The following TRMT44 variants were observed in gnomAD, a reference collection of about 807,000 sequenced individuals.
TRMT44 encodes probable tRNA (uracil-O(2)-)-methyltransferase.
A neutral mutation model predicts 77.3 loss-of-function variants in TRMT44; 78 were observed. The ratio of observed to expected loss-of-function variants is 1.01; its 90% confidence interval spans 0.84 to 1.22. The LOEUF (loss-of-function observed/expected upper bound fraction) is 1.22. Among genes scored for constraint, TRMT44 ranks in the 50% most tolerant of loss-of-function variants. TRMT44 has a pLI of 0.00. For synonymous variants in TRMT44, 391 were observed against 383.3 expected (o/e 1.02, Z -0.23); for missense variants, 1,090 against 964.4 (o/e 1.13, Z -1.73).
Position 8,455,862 on chromosome 4 carries a change from A to G in TRMT44, c.1203+1049A>G, listed in dbSNP as rs186382667. ...AGATTTTTTTCAATAAATACATTGG[A>G]AAATTTTATTGGAAATTTGCAACAA... On this transcript the variant is annotated intron_variant, in intron 6 of 10. Coordinates refer to ENST00000389737, the MANE Select transcript of TRMT44 (RefSeq NM_152544.3). Among the ~76,000 whole-genome samples, 200 of 152,364 alleles carry G rather than the reference A, an allele frequency of 1.3e-3. No homozygotes were observed. In the South Asian group the frequency reaches 0.014, roughly 11 times the overall value.
chr4:8,511,143 G>A, the TRMT44 span: 1 of 152,362 alleles, frequency 6.6e-6, no homozygotes, highest in African/African-American at 2.4e-5. Flanking sequence ...GGCAGCGTGG[G>A]GGAAGTGTCT....
In TRMT44 at chr4:8,440,861, C is replaced by T; in HGVS notation, c.39C>T (p.Gly13=). The change falls in exon 1 of 11, where the codon GGC becomes GGT. Residue 13 remains glycine (G), a synonymous_variant. Coordinates refer to ENST00000389737, the MANE Select transcript of TRMT44 (RefSeq NM_152544.3). ...EVGRTGISYP[G]ALLPQGFWAA... Reference sequence around the variant, plus strand: ...GCCGTACCGGGATCAGCTACCCAGGCGCGCTTCTCCCACAGGGCTTCTGGG... The same window carrying T: ...GCCGTACCGGGATCAGCTACCCAGGTGCGCTTCTCCCACAGGGCTTCTGGG... 1 of 1,518,160 alleles carries T rather than the reference C, an allele frequency of 6.6e-7. No homozygotes were observed. Among genetic ancestry groups the T allele is most frequent in the Middle Eastern group, 2.3e-4 (1 of 4,310 alleles). 94.0% of individuals were successfully genotyped at this position (1,518,160 alleles called of 1,614,324 possible). A position where few individuals can be genotyped will look rare whatever the true frequency, so the allele number is the denominator to read the frequency against.
intron 2 of TRMT44, among the ~76,000 whole-genome samples, chr4:8,489,563 G>A (rs1437737460): frequency 5.3e-5 from 8 of 152,052 alleles, no homozygotes; most frequent in East Asian, 1.9e-4. Flanking sequence ...TGCAACCTCC[G>A]CCTCCCAGGT....
the TRMT44 span, chr4:8,506,869 C>G: frequency 6.6e-6 from 1 of 152,494 alleles, no homozygotes; most frequent in Non-Finnish European, 1.5e-5. Context: ...GGCTGGGCTG[C>G]TGGCCCTCGG....
chr4:8,501,680 C>T, the TRMT44 span, among the ~76,000 whole-genome samples: 7 of 152,168 alleles, frequency 4.6e-5, no homozygotes, highest in African/African-American at 9.7e-5. This position sits in a 1 kb window ranked among gnomAD's most constrained non-coding sequence, Gnocchi z 4.4. Context: ...TCCCTCTTTG[C>T]CCCTTTCCCT....
intron 6 of TRMT44, among the ~76,000 whole-genome samples, chr4:8,460,431 C>T (rs1429350663): frequency 2.6e-5 from 4 of 152,220 alleles, no homozygotes; most frequent in Non-Finnish European, 5.9e-5. Flanking sequence ...ATTCTTTTCT[C>T]TATCACTTAC....
chr4:8,450,761 C>G (rs1282649557), intron 3 of TRMT44, among the ~76,000 whole-genome samples: 1 of 151,002 alleles, frequency 6.6e-6, no homozygotes, highest in East Asian at 1.9e-4. Flanking sequence ...TCCTCCCCGT[C>G]CTAGGAGTAA....
At chr4:8,442,312 A>T (rs1724786875) in intron 1 of TRMT44, among the ~76,000 whole-genome samples, 1 of 152,178 alleles carries the variant, frequency 6.6e-6, no homozygotes, top group Non-Finnish European at 1.5e-5. Flanking sequence ...TGAGACAAAT[A>T]ACTGTGAAAG....
chr4:8,440,811 C>T lies in TRMT44; in HGVS notation c.-12C>T, dbSNP rs565278788. 7.5e-5 allele frequency: 108 copies of T among 1,444,436 alleles called. 1 individual carries two copies. Among genetic ancestry groups the T allele is most frequent in the South Asian group, 6.2e-4 (44 of 70,702 alleles). The allele number at this position is 1,444,436 out of a possible 1,614,324, so 89.5% of individuals were successfully genotyped here. A position where few individuals can be genotyped will look rare whatever the true frequency, so the allele number is the denominator to read the frequency against. On this transcript the variant is annotated 5_prime_UTR_variant, in exon 1 of 11. Coordinates refer to ENST00000389737, the MANE Select transcript of TRMT44 (RefSeq NM_152544.3). Reference sequence around the variant, plus strand: ...GCGCGCCGCTGCCAGGGCTGTACACCTGCTGGCTGCCATGGCTGAGGTGGG... The same window carrying T: ...GCGCGCCGCTGCCAGGGCTGTACACTTGCTGGCTGCCATGGCTGAGGTGGG...
intron 2 of TRMT44, among the ~76,000 whole-genome samples, chr4:8,484,033 T>G (rs1389209072): frequency 6.6e-6 from 1 of 152,208 alleles, no homozygotes; most frequent in East Asian, 1.9e-4. Flanking sequence ...TGAGAAGTTA[T>G]TTCCTTGAGA....
chr4:8,452,395 G>A lies in TRMT44; in HGVS notation c.1023+367G>A, dbSNP rs2109107268. Among the ~76,000 whole-genome samples the A allele has an allele frequency of 6.6e-6, 1 of 152,300 alleles. No homozygotes were observed. The highest frequency in any genetic ancestry group is 6.5e-5 in the Admixed American group (1 of 15,298). On this transcript the variant is annotated intron_variant, in intron 4 of 10. Coordinates refer to ENST00000389737, the MANE Select transcript of TRMT44 (RefSeq NM_152544.3). This position sits in a 1 kb window ranked among gnomAD's most constrained non-coding sequence, Gnocchi z 5.7. ...CTGGCTCGCTAGCTGGCTACATTTG[G>A]ACATGCCCTCTGATTTAATCATCTT...
rs769401976 is a variant in TRMT44 at position 8,468,340 on chromosome 4, G to C, written c.1921G>C (p.Gly641Arg). The change falls in exon 9 of 11, where the codon GGG becomes CGG. Residue 641 changes from glycine (G) to arginine (R), a missense_variant. Transcript: ENST00000389737. ...AAATGGGAGTTTGAAGACCTGGAAT[G>C]GGGGAGGTAAGCTGTCCACCATCTT... ...SRNGSLKTWN[G>R]GESLSLAEVA... 5 of 1,613,896 alleles carry C rather than the reference G, an allele frequency of 3.1e-6. No individual in the cohort carries two copies. The highest frequency in any genetic ancestry group is 1.7e-6 in the Non-Finnish European group (2 of 1,180,030).
chr4:8,514,690 C>T, the TRMT44 span, among the ~76,000 whole-genome samples: 1 of 152,146 alleles, frequency 6.6e-6, no homozygotes, highest in Non-Finnish European at 1.5e-5. Context: ...AGGTCATGTT[C>T]TACAGTTTCT....
At position 8,444,615 on chromosome 4, in the gene TRMT44, C is replaced by G. The variant is rs1001248083; in HGVS notation, c.620-1861C>G. Among the ~76,000 whole-genome samples the G allele has an allele frequency of 1.3e-5, 2 of 152,230 alleles. No homozygotes were observed. Among genetic ancestry groups the G allele is most frequent in the African/African-American group, 4.8e-5 (2 of 41,464 alleles). On this transcript the variant is annotated intron_variant, in intron 1 of 10. Coordinates refer to ENST00000389737, the MANE Select transcript of TRMT44 (RefSeq NM_152544.3). The surrounding 1 kb of genome is among the most constrained non-coding windows in gnomAD (Gnocchi z 4.0). ...GTTTCACCATGTTGGCCAGACTGGT[C>G]TCCTACTCCTGACCTCACGTGATCC...
At position 8,464,003 on chromosome 4, in the gene TRMT44, AATG is replaced by A. The variant is rs762908033; in HGVS notation, c.1225_1227del (p.Asp409del). On this transcript the variant is annotated inframe_deletion, in exon 7 of 11. Transcript: ENST00000389737. ...CCTTTAGGAAGATGCAATCACACCC[AATG>A]ATAAGACCCTTTTCCCTGATGTTGA... 1.9e-5 allele frequency: 31 copies of A among 1,613,994 alleles called. No individual in the cohort carries two copies. In the South Asian group the frequency reaches 3.2e-4, roughly 17 times the overall value.
chr4:8,456,580 T>A (rs1579054666), intron 6 of TRMT44, among the ~76,000 whole-genome samples: 1 of 150,926 alleles, frequency 6.6e-6, no homozygotes, highest in East Asian at 1.9e-4. Context: ...AAGAAATTTG[T>A]GAAACTGTCA....
rs1725507082 is a variant in TRMT44 at position 8,452,339 on chromosome 4, C to G, written c.1023+311C>G. 6.6e-6 allele frequency among the ~76,000 whole-genome samples: 1 copy of G among 152,252 alleles called. No individual in the cohort carries two copies. The highest frequency in any genetic ancestry group is 1.5e-5 in the Non-Finnish European group (1 of 68,046). ...ACTGAGGAACACGTGTCTTCCGGCCCTGGCCTAGAACCTTCTAGCCCTTTC... is the reference window on the plus strand; with the variant it reads ...ACTGAGGAACACGTGTCTTCCGGCCGTGGCCTAGAACCTTCTAGCCCTTTC... On this transcript the variant is annotated intron_variant, in intron 4 of 10. Transcript: ENST00000389737. The surrounding 1 kb of genome is among the most constrained non-coding windows in gnomAD (Gnocchi z 5.7).
At chr4:8,482,732 G>A (rs988774421) in intron 2 of TRMT44, among the ~76,000 whole-genome samples, 6 of 152,036 alleles carry the variant, frequency 3.9e-5, no homozygotes, top group Non-Finnish European at 5.9e-5. Flanking sequence ...CAGTTAAGGT[G>A]GGGCAGGGCA....
chr4:8,440,852 C>T lies in TRMT44; in HGVS notation c.30C>T (p.Ser10=). 6.6e-7 allele frequency: 1 copy of T among 1,512,704 alleles called. No individual in the cohort carries two copies. The highest frequency in any genetic ancestry group is 1.2e-5 in the South Asian group (1 of 80,866). 93.7% of individuals were successfully genotyped at this position (1,512,704 alleles called of 1,614,324 possible). ...CTGAGGTGGGCCGTACCGGGATCAGCTACCCAGGCGCGCTTCTCCCACAGG... is the reference window on the plus strand; with the variant it reads ...CTGAGGTGGGCCGTACCGGGATCAGTTACCCAGGCGCGCTTCTCCCACAGG... MAEVGRTGI[S]YPGALLPQGF... is the part of the protein sequence containing the mutation. The change falls in exon 1 of 11, where the codon AGC becomes AGT. Residue 10 remains serine, a synonymous_variant. Transcript: ENST00000389737.
Sources: gnomAD v4.1 joint callset for allele counts (sites outside exome capture counted in the v4.1 genomes callset) on GRCh38, gnomAD v4.1.1 for gene constraint, Gnocchi (gnomAD v3.1) non-coding constraint, MANE v1.5 for transcripts, NCBI Gene and HGNC (gene_info 2026-07-23, HGNC 2026-07-21) for gene names.